CMIP: variants seen among roughly 807,000 people sequenced by gnomAD.
The protein encoded by CMIP is C-Maf-inducing protein.
A neutral mutation model predicts 97.3 loss-of-function variants in CMIP; 13 were observed. The ratio of observed to expected loss-of-function variants is 0.13; its 90% confidence interval spans 0.09 to 0.21. CMIP has a LOEUF of 0.21. Ranked by LOEUF, CMIP falls within the 10% of genes least tolerant of loss-of-function variation. The probability of loss-of-function intolerance (pLI) is 1.00; values close to 1 mark genes in which losing one functional copy is unlikely to be tolerated. For missense variants in CMIP, 847 were observed against 1,024.9 expected, an observed-to-expected ratio of 0.83 and a Z score of 2.37; for synonymous variants, 538 against 436.3, an observed-to-expected ratio of 1.23 and a Z score of -2.91.
chr16:81,605,368 C>T (rs1236064013), intron 1 of CMIP, among the ~76,000 whole-genome samples: 1 of 152,186 alleles, frequency 6.6e-6, no homozygotes, highest in Non-Finnish European at 1.5e-5. Flanking sequence ...TGCCTCCTCC[C>T]CTAGATTGTG....
At chr16:81,670,459 T>C (rs1241271557) in intron 8 of CMIP, among the ~76,000 whole-genome samples, 2 of 152,124 alleles carry the variant, frequency 1.3e-5, no homozygotes, top group Non-Finnish European at 2.9e-5. Context: ...CCCCTCAGGC[T>C]GTAGGTGCCA....
Position 81,678,361 on chromosome 16 carries a change from T to A in CMIP, c.1121T>A (p.Leu374Gln). 6.2e-7 allele frequency: 1 copy of A among 1,613,266 alleles called. No homozygotes were observed. The highest frequency in any genetic ancestry group is 8.5e-7 in the Non-Finnish European group (1 of 1,179,670). The change falls in exon 10 of 21, where the codon CTG (leucine) becomes CAG (glutamine). Residue 374 changes from leucine to glutamine, a missense_variant. Leu to Gln is a moderately radical substitution (Grantham distance 113). This residue lies in a region of CMIP where 202 missense variants were observed against 168.7 expected (regional missense o/e 1.20). Coordinates refer to ENST00000537098, the MANE Select transcript of CMIP (RefSeq NM_198390.3). Reference protein sequence around the residue: ...DRKPTLPLRLLHPSPDLVSQE... With the variant: ...DRKPTLPLRLQHPSPDLVSQE... ...AAGCCCACTTTACCTCTGCGCCTTC[T>A]GCACCCCAGCCCGGACCTGGTGTCT...
chr16:81,600,688 A>G (rs2150932422), intron 1 of CMIP, among the ~76,000 whole-genome samples: 1 of 152,290 alleles, frequency 6.6e-6, no homozygotes, highest in East Asian at 1.9e-4. Flanking sequence ...TCAGGAATGG[A>G]CTCAATGCCC....
In CMIP at chr16:81,594,165, T is replaced by G. The variant is rs1191945304; in HGVS notation, c.301-13402T>G. Among the ~76,000 whole-genome samples the G allele has an allele frequency of 6.3e-5, 9 of 143,940 alleles. No homozygotes were observed. In the Admixed American group the frequency reaches 6.3e-4, roughly 10 times the overall value. 94.4% of individuals were successfully genotyped at this position (143,940 alleles called of 152,430 possible). On this transcript the variant is annotated intron_variant, in intron 1 of 20. Coordinates refer to ENST00000537098, the MANE Select transcript of CMIP (RefSeq NM_198390.3). Reference sequence around the variant, plus strand: ...CAAGATCTGGCTCTGTTGCATGGGCTGGAGCGCACTGGTGCAATATCGGCT... The same window carrying G: ...CAAGATCTGGCTCTGTTGCATGGGCGGGAGCGCACTGGTGCAATATCGGCT...
chr16:81,479,950 T>G (rs543425822), intron 1 of CMIP, among the ~76,000 whole-genome samples: 3 of 152,334 alleles, frequency 2.0e-5, no homozygotes, highest in African/African-American at 7.2e-5. Flanking sequence ...AGTGCCTACT[T>G]TGTGCCAGGT....
At chr16:81,693,277 G>A (rs752075526) in intron 12 of CMIP, 93 bp downstream of exon 12, 2 of 1,398,638 alleles carry the variant, frequency 1.4e-6, no homozygotes, top group South Asian at 2.4e-5. Flanking sequence ...CTGGGAGGCA[G>A]TGGTGGCTCC....
At chr16:81,608,268 A>T (rs1399948837) in intron 2 of CMIP, among the ~76,000 whole-genome samples, 2 of 152,210 alleles carry the variant, frequency 1.3e-5, no homozygotes, top group East Asian at 3.8e-4. Flanking sequence ...CTATTAAATT[A>T]ACTATTAAAG....
At chr16:81,599,178 G>A (rs980439897) in intron 1 of CMIP, among the ~76,000 whole-genome samples, 2 of 152,036 alleles carry the variant, frequency 1.3e-5, no homozygotes, top group Non-Finnish European at 2.9e-5. Context: ...CAAGGGCACA[G>A]CTGGGTTGCA....
At chr16:81,689,343 C>T (rs541498924) in intron 10 of CMIP, among the ~76,000 whole-genome samples, 22 of 152,190 alleles carry the variant, frequency 1.4e-4, no homozygotes, top group East Asian at 5.8e-4. Context: ...TTTTAATGAT[C>T]GCCATTCTAA....
intron 4 of CMIP, among the ~76,000 whole-genome samples, chr16:81,654,631 A>G (rs2092463598): frequency 6.6e-6 from 1 of 152,192 alleles, no homozygotes; most frequent in African/African-American, 2.4e-5. Context: ...CATGCTCTGC[A>G]GTGGTCAGTT....
At chr16:81,525,292 C>T (rs936136173) in intron 1 of CMIP, among the ~76,000 whole-genome samples, 3 of 151,482 alleles carry the variant, frequency 2.0e-5, no homozygotes, top group Non-Finnish European at 4.4e-5. Flanking sequence ...TACAGGCACC[C>T]GCCATTATGC....
intron 3 of CMIP, among the ~76,000 whole-genome samples, chr16:81,624,779 G>A (rs192344718): frequency 1.8e-3 from 280 of 152,328 alleles, no homozygotes; most frequent in African/African-American, 5.7e-3. Context: ...TAACAGGGTC[G>A]ATTGACAACC....
intron 17 of CMIP, among the ~76,000 whole-genome samples, chr16:81,703,285 C>T (rs1907623233): frequency 6.6e-6 from 1 of 152,052 alleles, no homozygotes; most frequent in Non-Finnish European, 1.5e-5. Flanking sequence ...AGCCTTCATT[C>T]CGGGCAGCCA....
In CMIP at chr16:81,691,755, G is replaced by C; in HGVS notation, c.1389-20G>C. On this transcript the variant is annotated intron_variant, in intron 10 of 20. Coordinates refer to ENST00000537098, the MANE Select transcript of CMIP (RefSeq NM_198390.3). ...TTCCTTGTCCCAACCAAAGCTGACTGTCACCCTCTCTCATTCTAGGTCAGA... is the reference window on the plus strand; with the variant it reads ...TTCCTTGTCCCAACCAAAGCTGACTCTCACCCTCTCTCATTCTAGGTCAGA... The C allele has an allele frequency of 1.2e-6, 2 of 1,611,918 alleles. No individual in the cohort carries two copies. Among genetic ancestry groups the C allele is most frequent in the Non-Finnish European group, 1.7e-6 (2 of 1,178,240 alleles).
chr16:81,618,123 G>T (rs1288592381), intron 2 of CMIP, among the ~76,000 whole-genome samples: 2 of 152,110 alleles, frequency 1.3e-5, no homozygotes, highest in Non-Finnish European at 2.9e-5. Flanking sequence ...GTGACTGCTT[G>T]CCCCTAACTT....
chr16:81,537,077 T>C (rs2090356656), intron 1 of CMIP, among the ~76,000 whole-genome samples: 1 of 152,176 alleles, frequency 6.6e-6, no homozygotes, highest in Non-Finnish European at 1.5e-5. Flanking sequence ...AGTGTGACTT[T>C]AAGAGTAAGT....
chr16:81,476,206 G>A, intron 1 of CMIP: 1 of 1,336,222 alleles, frequency 7.5e-7, no homozygotes, highest in Non-Finnish European at 1.1e-6. Context: ...GTTTGTGTTG[G>A]GTCCAGCATT....
At chr16:81,504,021 C>A (rs1057453703) in intron 1 of CMIP, among the ~76,000 whole-genome samples, 1 of 152,136 alleles carries the variant, frequency 6.6e-6, no homozygotes, top group African/African-American at 2.4e-5. Flanking sequence ...GTTATTTCAC[C>A]AGTGTTAGAA....
chr16:81,508,947 C>G (rs1053395580), intron 1 of CMIP, among the ~76,000 whole-genome samples: 19 of 152,210 alleles, frequency 1.2e-4, no homozygotes, highest in Non-Finnish European at 2.9e-5. Context: ...CCTGCCATTC[C>G]TTTGCTCAGC....
Sources: gnomAD v4.1 joint callset for allele counts (sites outside exome capture counted in the v4.1 genomes callset) on GRCh38, gnomAD v4.1.1 for gene constraint, gnomAD v4.1.1 regional missense constraint, MANE v1.5 for transcripts, NCBI Gene and HGNC (gene_info 2026-07-23, HGNC 2026-07-21) for gene names.